ADGRG2: variants seen among roughly 807,000 people sequenced by gnomAD.
ADGRG2 encodes the protein adhesion G protein-coupled receptor G2, also known as G protein-coupled receptor 64.
Under a neutral mutation model 74.1 loss-of-function variants are expected in ADGRG2, and 26 were observed. The ratio of observed to expected loss-of-function variants is 0.35; its 90% CI spans 0.26 to 0.49. The LOEUF is 0.49. ADGRG2 is among the 20% of genes least tolerant of loss of function. ADGRG2 has a pLI of 0.99. For missense variants in ADGRG2, 619 were observed against 763.1 expected, an observed-to-expected ratio of 0.81 and a Z score of 2.22; for synonymous variants, 296 against 295.2, an observed-to-expected ratio of 1.00 and a Z score of -0.03.
At chrX:19,033,249 T>C (rs184236971) in intron 8 of ADGRG2, 203 of 129,593 alleles carry the variant, frequency 1.6e-3, no homozygotes, top group African/African-American at 5.9e-3. Flanking sequence ...TGAGGTTCAT[T>C]CCTCTAACTT....
chrX:19,049,438 G>GTTTTTTTTTTTTTTTTTTTTTTTTT (rs752686975), intron 3 of ADGRG2, among the ~76,000 whole-genome samples: 3 of 82,162 alleles, frequency 3.7e-5, no homozygotes, highest in Non-Finnish European at 2.2e-5. Flanking sequence ...CGTTTTTTGT[G>GTTTTTTTTTTTTTTTTTTTTTTTTT]TTTTTTTTTT....
intron 1 of ADGRG2, among the ~76,000 whole-genome samples, chrX:19,083,694 G>C (rs764997496): frequency 1.2e-4 from 13 of 112,349 alleles, no homozygotes; most frequent in African/African-American, 3.9e-4. Context: ...CCAAGGCAGA[G>C]AGCATTGCTG....
intron 1 of ADGRG2, among the ~76,000 whole-genome samples, chrX:19,116,802 T>C (rs1043875786): frequency 8.9e-6 from 1 of 111,986 alleles, no homozygotes; most frequent in Non-Finnish European, 1.9e-5. Context: ...TACAAAACAA[T>C]GTTTTTCAAA....
intron 3 of ADGRG2, among the ~76,000 whole-genome samples, chrX:19,063,302 C>T (rs1200681891): frequency 9.0e-6 from 1 of 111,647 alleles, no homozygotes; most frequent in Non-Finnish European, 1.9e-5. Flanking sequence ...TGCTCTCTAA[C>T]AGCTCACCCC....
chrX:19,064,134 G>A (rs1477316268), intron 3 of ADGRG2, among the ~76,000 whole-genome samples: 3 of 111,707 alleles, frequency 2.7e-5, no homozygotes, highest in Admixed American at 9.4e-5. Flanking sequence ...CACTCCCATG[G>A]ACATAGATGA....
At chrX:19,029,080 A>G (rs2060769528) in intron 9 of ADGRG2, among the ~76,000 whole-genome samples, 1 of 111,692 alleles carries the variant, frequency 9.0e-6, no homozygotes, top group African/African-American at 3.3e-5. Flanking sequence ...TCTTCTCATC[A>G]TCTTTTATTG....
At chrX:19,077,049 T>G (rs747022099) in intron 2 of ADGRG2, among the ~76,000 whole-genome samples, 1 of 111,282 alleles carries the variant, frequency 9.0e-6, no homozygotes, top group South Asian at 3.8e-4. Flanking sequence ...TGTAATATCT[T>G]TAGTAACTAA....
intron 3 of ADGRG2, among the ~76,000 whole-genome samples, chrX:19,057,332 G>A (rs548447557): frequency 9.0e-6 from 1 of 111,558 alleles, no homozygotes; most frequent in Admixed American, 9.5e-5. Context: ...ATCATAGGAA[G>A]GCACCTCCTA....
chrX:18,999,307 G>A, intron 25 of ADGRG2, 28 bp from the exon 26 acceptor site: 1 of 1,121,081 alleles, frequency 8.9e-7, no homozygotes, highest in Non-Finnish European at 1.2e-6. Flanking sequence ...GGGGAAACAG[G>A]GGAAAACATA....
intron 1 of ADGRG2, among the ~76,000 whole-genome samples, chrX:19,086,963 G>C (rs774899765): frequency 5.9e-4 from 66 of 111,548 alleles, no homozygotes; most frequent in African/African-American, 2.1e-3. Flanking sequence ...GGAAAGAGGA[G>C]TTTCTTCACA....
chrX:19,034,299 C>A (rs2146709886), intron 7 of ADGRG2: 1 of 111,710 alleles, frequency 9.0e-6, no homozygotes, highest in East Asian at 2.8e-4. Flanking sequence ...AAATGTCTTC[C>A]AAACACGTTT....
In ADGRG2 at chrX:18,998,324, AG is replaced by A. The variant is rs775294862; in HGVS notation, c.2614+671del. On this transcript the variant is annotated intron_variant, in intron 26 of 28. Coordinates refer to ENST00000379869, the MANE Select transcript of ADGRG2 (RefSeq NM_001079858.3). ...TCTGCATGTTCTACTTGAATACAAAAGTTTTTTTTTTTAAAAGAAACCAAGT... is the reference window on the plus strand; with the variant it reads ...TCTGCATGTTCTACTTGAATACAAAATTTTTTTTTTTAAAAGAAACCAAGT... 7.6e-4 allele frequency among the ~76,000 whole-genome samples: 85 copies of A among 111,406 alleles called. 1 individual carries two copies. Among genetic ancestry groups the A allele is most frequent in the Admixed American group, 2.1e-3 (22 of 10,390 alleles).
chrX:19,033,151 G>T (rs191990007), intron 8 of ADGRG2: 1 of 112,501 alleles, frequency 8.9e-6, no homozygotes, highest in Non-Finnish European at 1.9e-5. Flanking sequence ...CCTGAGCCAA[G>T]GAGGTTGAGG....
intron 3 of ADGRG2, among the ~76,000 whole-genome samples, chrX:19,040,614 T>C: frequency 8.9e-6 from 1 of 112,213 alleles, no homozygotes; most frequent in Middle Eastern, 4.6e-3. Context: ...TTAACGTGTA[T>C]GTTTGCATAA....
intron 3 of ADGRG2, among the ~76,000 whole-genome samples, chrX:19,063,840 A>T (rs2061524451): frequency 8.9e-6 from 1 of 112,219 alleles, no homozygotes; most frequent in Non-Finnish European, 1.9e-5. Context: ...TCAACTTTGG[A>T]AGGGGAGTTT....
Position 19,007,271 on chromosome X carries a change from G to A in ADGRG2, c.1653C>T (p.Asn551=), listed in dbSNP as rs149372578. ...ANLTVRNLTR[N]VTVTLKHINP... is the part of the protein sequence containing the mutation. Reference sequence around the variant, plus strand: ...TGATGTGCTTTAATGTGACTGTCACGTTTCTTGTCAAGTTCCTGACGGTCA... The same window carrying A: ...TGATGTGCTTTAATGTGACTGTCACATTTCTTGTCAAGTTCCTGACGGTCA... The change falls in exon 20 of 29, where the codon AAC becomes AAT. Residue 551 remains asparagine, a synonymous_variant. Coordinates refer to ENST00000379869, the MANE Select transcript of ADGRG2 (RefSeq NM_001079858.3). 1,398 of 1,208,603 alleles carry A rather than the reference G, an allele frequency of 1.2e-3. 6 individuals carry two copies. The African/African-American group carries it at 0.022, about 19-fold the overall frequency.
At chrX:19,029,626 G>T (rs1453296317) in intron 9 of ADGRG2, among the ~76,000 whole-genome samples, 1 of 110,827 alleles carries the variant, frequency 9.0e-6, no homozygotes, top group East Asian at 2.8e-4. Context: ...GGTCAATTCA[G>T]TCCCTTAATT....
chrX:18,995,532 C>T (rs921962951), intron 27 of ADGRG2, among the ~76,000 whole-genome samples: 4 of 109,527 alleles, frequency 3.7e-5, no homozygotes, highest in African/African-American at 9.9e-5. Flanking sequence ...TTCTCATTTT[C>T]TTAAAAAAAA....
chrX:19,028,298 T>C, intron 9 of ADGRG2, 60 bp from the exon 10 acceptor site: 2 of 511,398 alleles, frequency 3.9e-6, no homozygotes, highest in East Asian at 3.6e-5. Flanking sequence ...TGAGGATTAA[T>C]ACCACATACA....
Sources: gnomAD v4.1 joint callset for allele counts (sites outside exome capture counted in the v4.1 genomes callset) on GRCh38, gnomAD v4.1.1 for gene constraint, MANE v1.5 for transcripts, NCBI Gene and HGNC (gene_info 2026-07-23, HGNC 2026-07-21) for gene names.